The following NSD1 variants were observed in gnomAD, a reference collection of about 807,000 sequenced individuals.
The protein encoded by NSD1 is nuclear receptor binding SET domain protein 1, also known as histone-lysine N-methyltransferase, H3 lysine-36 specific.
Under a neutral mutation model 242.7 loss-of-function variants are expected in NSD1, and 26 were observed. The observed-to-expected ratio is 0.11, with a 90% CI of 0.08 to 0.15. The LOEUF (loss-of-function observed/expected upper bound fraction) is 0.15, where lower values mean the gene tolerates loss of function less well. Among genes scored for constraint, NSD1 ranks in the 10% least tolerant of loss-of-function variants. NSD1 has a pLI of 1.00. For synonymous variants in NSD1, 1,106 were observed against 1,178.1 expected, an observed-to-expected ratio of 0.94 and a Z score of 1.25; for missense variants, 2,495 against 3,272.8, an observed-to-expected ratio of 0.76 and a Z score of 5.80.
intron 2 of NSD1, among the ~76,000 whole-genome samples, chr5:177,148,252 G>A (rs1757418547): frequency 6.6e-6 from 1 of 151,576 alleles, no homozygotes; most frequent in African/African-American, 2.4e-5. Context: ...CATGTAGCTG[G>A]GATTATAGGT....
chr5:177,195,616 C>T (rs559420043), intron 3 of NSD1, among the ~76,000 whole-genome samples: 1 of 152,220 alleles, frequency 6.6e-6, no homozygotes, highest in African/African-American at 2.4e-5. Flanking sequence ...TACAGGCATT[C>T]GCCACTATGC....
At chr5:177,205,724 G>A (rs1762819191) in intron 4 of NSD1, among the ~76,000 whole-genome samples, 1 of 151,854 alleles carries the variant, frequency 6.6e-6, no homozygotes, top group African/African-American at 2.4e-5. Context: ...TCTACTGTTT[G>A]TCTCTATGAT....
chr5:177,132,140 G>T (rs1364734268), upstream of NSD1, among the ~76,000 whole-genome samples: 4 of 152,120 alleles, frequency 2.6e-5, no homozygotes, highest in African/African-American at 9.7e-5. The surrounding 1 kb of genome is among the most constrained non-coding windows in gnomAD (Gnocchi z 7.5). Context: ...GCCCCAGGCC[G>T]AGGGCTGCGC....
At chr5:177,285,041 G>T (rs1562297397) in intron 20 of NSD1, among the ~76,000 whole-genome samples, 1 of 152,192 alleles carries the variant, frequency 6.6e-6, no homozygotes, top group African/African-American at 2.4e-5. Flanking sequence ...CTGGGTGCTT[G>T]TCTCTCTAAC....
chr5:177,143,783 C>A (rs1027318807), intron 2 of NSD1, among the ~76,000 whole-genome samples: 1 of 121,134 alleles, frequency 8.3e-6, no homozygotes. Context: ...TACAAGATAA[C>A]TTTTTTTTTT....
At chr5:177,151,885 C>CA (rs1328139736) in intron 2 of NSD1, among the ~76,000 whole-genome samples, 2 of 150,798 alleles carry the variant, frequency 1.3e-5, no homozygotes, top group African/African-American at 4.9e-5. Context: ...TTTTTTGAGA[C>CA]AGTCTTGCCC....
rs549385732 is a variant in NSD1, at chr5:177,135,628, A to G, written c.525A>G (p.Thr175=). ...DSEMDPEQPV[T]EDESIEEIFE... ...AAATGGACCCAGAACAGCCAGTCACAGAGGATGAGAGTATAGAGGAGATCT... is the reference window on the plus strand; with the variant it reads ...AAATGGACCCAGAACAGCCAGTCACGGAGGATGAGAGTATAGAGGAGATCT... Residue 175 remains threonine, a synonymous_variant, in exon 2 of 23, where the codon ACA becomes ACG. Transcript: ENST00000439151. 1 of 1,614,264 alleles carries G rather than the reference A, an allele frequency of 6.2e-7. No homozygotes were observed. The highest frequency in any genetic ancestry group is 8.5e-7 in the Non-Finnish European group (1 of 1,180,048).
intron 14 of NSD1, chr5:177,265,339 GT>G (rs964745187): frequency 1.8e-5 from 11 of 605,206 alleles, no homozygotes; most frequent in Middle Eastern, 4.2e-4. Flanking sequence ...ACAGAAGTAT[GT>G]TTATAGTAAG....
chr5:177,159,875 C>A (rs1329033680), intron 2 of NSD1, among the ~76,000 whole-genome samples: 4 of 146,738 alleles, frequency 2.7e-5, no homozygotes, highest in African/African-American at 1.0e-4. Flanking sequence ...AGGTGTGAAC[C>A]ACTGCACCCG....
Position 177,252,539 on chromosome 5 carries a change from C to CTTTTTTTTT in NSD1, c.4765+708_4765+716dup, listed in dbSNP as rs70991600. On this transcript the variant is annotated intron_variant, in intron 12 of 22. Coordinates refer to ENST00000439151, the MANE Select transcript of NSD1 (RefSeq NM_022455.5). The stretch of plus-strand genomic sequence containing the variant: ...TAAAGCTGCGCTAAAGTAAAGTGTT[C>CTTTTTTTTT]TTTTTTTTTTTTTTTTTTTTTTTTT... Among the ~76,000 whole-genome samples the CTTTTTTTTT allele has an allele frequency of 4.2e-5, 2 of 47,428 alleles. 1 individual carries two copies. Among genetic ancestry groups the CTTTTTTTTT allele is most frequent in the African/African-American group, 1.4e-4 (2 of 14,640 alleles). The allele number at this position is 47,428 out of a possible 152,430, so 31.1% of individuals were successfully genotyped here.
chr5:177,257,838 TTTTA>T (rs1756629287), intron 13 of NSD1, among the ~76,000 whole-genome samples: 2 of 144,920 alleles, frequency 1.4e-5, no homozygotes, highest in African/African-American at 5.1e-5. Flanking sequence ...TTTTATTTTA[TTTTA>T]TTTTTTTTTG....
chr5:177,147,987 C>T (rs1480242617), intron 2 of NSD1, among the ~76,000 whole-genome samples: 1 of 152,036 alleles, frequency 6.6e-6, no homozygotes, highest in Non-Finnish European at 1.5e-5. Flanking sequence ...TGGGGCAATG[C>T]TAGCTTTTGG....
At chr5:177,186,058 CATATAATATATGTTATATATAATATATT>C (rs1761187359) in intron 2 of NSD1, among the ~76,000 whole-genome samples, 1 of 96,590 alleles carries the variant, frequency 1.0e-5, no homozygotes, top group Middle Eastern at 6.0e-3. Context: ...TATAATATAA[CATATAATATATGTTATATATAATATATT>C]ATATATAACA....
chr5:177,272,295 T>C (rs1409229049), intron 16 of NSD1, among the ~76,000 whole-genome samples: 1 of 152,014 alleles, frequency 6.6e-6, no homozygotes, highest in Non-Finnish European at 1.5e-5. Flanking sequence ...AAGAACACAT[T>C]TTAGGAAAAT....
chr5:177,165,020 AT>A (rs1420885004), intron 2 of NSD1, among the ~76,000 whole-genome samples: 3 of 151,844 alleles, frequency 2.0e-5, no homozygotes, highest in Non-Finnish European at 4.4e-5. Flanking sequence ...TAATTCCAGC[AT>A]TTTGGGAGAC....
At position 177,263,399 on chromosome 5, in the gene NSD1, A is replaced by G. The variant is rs77912544; in HGVS notation, c.5146+3231A>G. Among the ~76,000 whole-genome samples the G allele has an allele frequency of 9.2e-5, 14 of 152,338 alleles. No homozygotes were observed. The East Asian group carries it at 2.1e-3, about 23-fold the overall frequency. On this transcript the variant is annotated intron_variant, in intron 14 of 22. Coordinates refer to ENST00000439151, the MANE Select transcript of NSD1 (RefSeq NM_022455.5). ...TTAGTTGAAATCTGACAGCTAGTACACAGTCAATGGATTGGTAAAACTGCT... is the reference window on the plus strand; with the variant it reads ...TTAGTTGAAATCTGACAGCTAGTACGCAGTCAATGGATTGGTAAAACTGCT...
chr5:177,198,701 T>G (rs1405912695), intron 3 of NSD1, among the ~76,000 whole-genome samples: 1 of 152,160 alleles, frequency 6.6e-6, no homozygotes, highest in Non-Finnish European at 1.5e-5. Context: ...ATAGCCCTTT[T>G]TCATCCTTCT....
rs566245817 is a variant in NSD1 at position 177,254,318 on chromosome 5, A to G, written c.4765+2465A>G. ...TAATTTTTTGAAATCCAGTTTATCAATTTGTTCTTTTTATGGACTGTGATT... is the reference window on the plus strand; with the variant it reads ...TAATTTTTTGAAATCCAGTTTATCAGTTTGTTCTTTTTATGGACTGTGATT... On this transcript the variant is annotated intron_variant, in intron 12 of 22. Coordinates refer to ENST00000439151, the MANE Select transcript of NSD1 (RefSeq NM_022455.5). Among the ~76,000 whole-genome samples, 7 of 152,232 alleles carry G rather than the reference A, an allele frequency of 4.6e-5. No individual in the cohort carries two copies. The South Asian group carries it at 1.5e-3, about 32-fold the overall frequency.
intron 2 of NSD1, among the ~76,000 whole-genome samples, chr5:177,151,609 G>A (rs1209562993): frequency 2.0e-5 from 3 of 151,370 alleles, no homozygotes; most frequent in African/African-American, 7.3e-5. Context: ...GACTTGTCTC[G>A]GACTCCCAAC....
Sources: gnomAD v4.1 joint callset for allele counts (sites outside exome capture counted in the v4.1 genomes callset) on GRCh38, gnomAD v4.1.1 for gene constraint, Gnocchi (gnomAD v3.1) non-coding constraint, MANE v1.5 for transcripts, NCBI Gene and HGNC (gene_info 2026-07-23, HGNC 2026-07-21) for gene names.